Variants in CTNNA3 observed in about 807,000 individuals in gnomAD.
CTNNA3 encodes the protein catenin alpha-3.
Under a neutral mutation model 95.7 loss-of-function variants are expected in CTNNA3, and 76 were observed. The ratio of observed to expected loss-of-function variants is 0.79; its 90% CI spans 0.66 to 0.96. The LOEUF (loss-of-function observed/expected upper bound fraction) is 0.96, where lower values mean the gene tolerates loss of function less well. CTNNA3 is among the 40% of genes least tolerant of loss of function. The pLI, the probability that CTNNA3 is intolerant of heterozygous loss-of-function variation, is 0.00. For missense variants in CTNNA3, 1,191 were observed against 1,089.8 expected (o/e 1.09, Z -1.31); for synonymous variants, 431 against 374.4 (o/e 1.15, Z -1.74).
chr10:66,927,000 T>C, intron 7 of CTNNA3: 1 of 1,614,198 alleles, frequency 6.2e-7, no homozygotes. Flanking sequence ...CAATGCTTTC[T>C]TCTGCCGAAC....
intron 13 of CTNNA3, among the ~76,000 whole-genome samples, chr10:66,228,398 T>C (rs529283616): frequency 6.6e-6 from 1 of 152,210 alleles, no homozygotes; most frequent in Non-Finnish European, 1.5e-5. Flanking sequence ...TTCTTCATGT[T>C]CTTCTTAATT....
chr10:66,714,690 C>T (rs1159860405), intron 9 of CTNNA3, among the ~76,000 whole-genome samples: 1 of 152,142 alleles, frequency 6.6e-6, no homozygotes, highest in East Asian at 1.9e-4. Flanking sequence ...TCTTGGGTTC[C>T]ACCCCAGAAC....
At chr10:66,022,226 C>T (rs1379235538) in intron 15 of CTNNA3, among the ~76,000 whole-genome samples, 1 of 152,110 alleles carries the variant, frequency 6.6e-6, no homozygotes, top group Non-Finnish European at 1.5e-5. Context: ...TAGTTGATGA[C>T]ATGTTCAACC....
rs2091473462 is a variant in CTNNA3, at chr10:66,280,516, ATCT to A, written c.1835_1837del (p.Lys612del). 3.7e-6 allele frequency: 6 copies of A among 1,609,810 alleles called. No individual in the cohort carries two copies. Among genetic ancestry groups the A allele is most frequent in the African/African-American group, 1.3e-5 (1 of 74,650 alleles). On this transcript the variant is annotated inframe_deletion, in exon 13 of 18. Coordinates refer to ENST00000433211, the MANE Select transcript of CTNNA3 (RefSeq NM_013266.4). Reference sequence around the variant, plus strand: ...TCTGATATCATGAATTGTATCATAGATCTTCTTTGAGATGTCCACAAATTGATT... The same window carrying A: ...TCTGATATCATGAATTGTATCATAGATCTTTGAGATGTCCACAAATTGATT...
In CTNNA3 at chr10:67,392,560, A is replaced by T. The variant is rs935531639; in HGVS notation, c.579+129282T>A. Among the ~76,000 whole-genome samples the T allele has an allele frequency of 4.2e-4, 64 of 152,344 alleles. 1 individual carries two copies. Among genetic ancestry groups the T allele is most frequent in the Admixed American group, 2.2e-3 (33 of 15,302 alleles). On this transcript the variant is annotated intron_variant, in intron 5 of 17. Transcript: ENST00000433211. ...ACCCAGCCATCCCATTACTGGGTATATACCCAAAGGACTATAAATCATGCT... is the reference window on the plus strand; with the variant it reads ...ACCCAGCCATCCCATTACTGGGTATTTACCCAAAGGACTATAAATCATGCT...
chr10:66,226,797 A>ATT (rs144754914), intron 13 of CTNNA3, among the ~76,000 whole-genome samples: 2 of 151,580 alleles, frequency 1.3e-5, no homozygotes, highest in African/African-American at 4.8e-5. Flanking sequence ...ATTCTTAGGT[A>ATT]TTTTTTTATT....
At chr10:66,987,379 A>G (rs1564814579) in intron 7 of CTNNA3, among the ~76,000 whole-genome samples, 1 of 152,170 alleles carries the variant, frequency 6.6e-6, no homozygotes. Context: ...TTATATTTGA[A>G]GGTAGAGGTG....
chr10:66,943,941 A>G (rs1318324492), intron 7 of CTNNA3, among the ~76,000 whole-genome samples: 1 of 152,226 alleles, frequency 6.6e-6, no homozygotes, highest in Non-Finnish European at 1.5e-5. Flanking sequence ...TTAGAGAATC[A>G]CAATCTTTTT....
chr10:67,165,156 G>A (rs1861709310), intron 7 of CTNNA3, among the ~76,000 whole-genome samples: 1 of 152,126 alleles, frequency 6.6e-6, no homozygotes, highest in Admixed American at 6.6e-5. Flanking sequence ...TCCTACCATG[G>A]AATACTAATT....
At chr10:66,619,279 C>T (rs978001524) in intron 10 of CTNNA3, among the ~76,000 whole-genome samples, 5 of 151,472 alleles carry the variant, frequency 3.3e-5, no homozygotes, top group East Asian at 1.9e-4. Flanking sequence ...TATTGCAGCA[C>T]TATTCACAAT....
intron 12 of CTNNA3, among the ~76,000 whole-genome samples, chr10:66,314,696 A>G (rs993041108): frequency 1.4e-4 from 22 of 152,262 alleles, no homozygotes; most frequent in Middle Eastern, 3.4e-3. Context: ...ACTTCTTCAC[A>G]GGTACTAACA....
chr10:67,704,304 A>G (rs1589576512), intron 1 of CTNNA3, among the ~76,000 whole-genome samples: 1 of 152,228 alleles, frequency 6.6e-6, no homozygotes. Context: ...ACCAAAAAAG[A>G]GCCCGCATCA....
At chr10:66,026,021 T>A (rs2079326009) in intron 15 of CTNNA3, among the ~76,000 whole-genome samples, 1 of 152,150 alleles carries the variant, frequency 6.6e-6, no homozygotes, top group Admixed American at 6.5e-5. Context: ...TTGTTTTACA[T>A]CTCCCCCTTC....
intron 1 of CTNNA3, among the ~76,000 whole-genome samples, chr10:67,684,898 T>C (rs1840700754): frequency 6.6e-6 from 1 of 152,096 alleles, no homozygotes; most frequent in Non-Finnish European, 1.5e-5. Flanking sequence ...GTTTGAAAGG[T>C]GTTGTCTGAT....
chr10:67,001,910 C>G (rs1331307103), intron 7 of CTNNA3, among the ~76,000 whole-genome samples: 2 of 152,132 alleles, frequency 1.3e-5, no homozygotes, highest in East Asian at 3.9e-4. Flanking sequence ...TTGCTACAAC[C>G]AGGCATTTCT....
chr10:66,644,255 G>C (rs1338129379), intron 9 of CTNNA3, among the ~76,000 whole-genome samples: 1 of 137,194 alleles, frequency 7.3e-6, no homozygotes, highest in Non-Finnish European at 1.6e-5. Flanking sequence ...TAAGAGACTT[G>C]GTCTCTCTGT....
intron 7 of CTNNA3, among the ~76,000 whole-genome samples, chr10:66,962,719 C>G (rs1222953531): frequency 6.6e-6 from 1 of 152,032 alleles, no homozygotes; most frequent in African/African-American, 2.4e-5. Context: ...CCCACCTCCT[C>G]TAAGTCTTTA....
chr10:66,820,747 T>C (rs1290291605), intron 7 of CTNNA3, among the ~76,000 whole-genome samples: 1 of 152,092 alleles, frequency 6.6e-6, no homozygotes, highest in Non-Finnish European at 1.5e-5. Flanking sequence ...ATTTTTTAAT[T>C]ACTTCTACAA....
chr10:66,159,826 A>C (rs1488486794), intron 13 of CTNNA3, among the ~76,000 whole-genome samples: 1 of 151,182 alleles, frequency 6.6e-6, no homozygotes, highest in Non-Finnish European at 1.5e-5. Flanking sequence ...TTTTGTTGGT[A>C]ATTTTTCAAT....
Sources: allele counts gnomAD v4.1 joint callset (sites outside exome capture counted in the v4.1 genomes callset), GRCh38; gene constraint gnomAD v4.1.1; transcripts MANE v1.5; gene names NCBI Gene and HGNC (gene_info 2026-07-23, HGNC 2026-07-21).